The following MTBP variants were observed in gnomAD, a reference collection of about 807,000 sequenced individuals.
MTBP encodes the protein mdm2-binding protein.
In MTBP, 101 loss-of-function variants were observed where a neutral mutation model predicts 117.0. The ratio of observed to expected loss-of-function variants is 0.86; its 90% CI spans 0.73 to 1.02. MTBP has a LOEUF of 1.02. Ranked by LOEUF, MTBP falls within the 50% of genes least tolerant of loss-of-function variation. The probability of loss-of-function intolerance (pLI) is 0.00; values close to 1 mark genes in which losing one functional copy is unlikely to be tolerated. For missense variants in MTBP, 970 were observed against 1,030.9 expected (o/e 0.94, Z 0.81); for synonymous variants, 350 against 351.5 (o/e 1.00, Z 0.05).
At chr8:120,508,227 G>A (rs1457567633) in intron 16 of MTBP, among the ~76,000 whole-genome samples, 2 of 152,078 alleles carry the variant, frequency 1.3e-5, no homozygotes, top group Non-Finnish European at 2.9e-5. Context: ...AAAATACTGT[G>A]TTAAACAAAG....
At chr8:120,515,327 C>T (rs2130619361) in intron 17 of MTBP, among the ~76,000 whole-genome samples, 2 of 152,106 alleles carry the variant, frequency 1.3e-5, no homozygotes, top group South Asian at 4.2e-4. Context: ...CAGAAGCATT[C>T]ACTGAGCTGA....
chr8:120,490,238 T>TA (rs1189359115), intron 12 of MTBP, among the ~76,000 whole-genome samples: 2 of 152,216 alleles, frequency 1.3e-5, no homozygotes, highest in East Asian at 3.9e-4. Context: ...TCCCTCAATT[T>TA]AAAAATCAGG....
intron 10 of MTBP, among the ~76,000 whole-genome samples, chr8:120,466,642 G>A (rs1198808155): frequency 1.3e-5 from 2 of 151,960 alleles, no homozygotes; most frequent in Admixed American, 6.6e-5. Context: ...GGAGGCCGAG[G>A]CAGGTGGATC....
At position 120,459,346 on chromosome 8, in the gene MTBP, A is replaced by T. The variant is rs781781200; in HGVS notation, c.879A>T (p.Pro293=). ...IIPSKDKNIL[P]KVFHYYGPAL... ...CATCAAAGGATAAGAATATTTTGCCAAAGGTAATCGTGTTTAATTTTTTTG... is the reference window on the plus strand; with the variant it reads ...CATCAAAGGATAAGAATATTTTGCCTAAGGTAATCGTGTTTAATTTTTTTG... Residue 293 remains proline (P), a synonymous_variant, in exon 8 of 22, where the codon CCA becomes CCT. Coordinates refer to ENST00000305949, the MANE Select transcript of MTBP (RefSeq NM_022045.5). 10 of 1,601,956 alleles carry T rather than the reference A, an allele frequency of 6.2e-6. No individual in the cohort carries two copies. The South Asian group carries it at 1.1e-4, about 18-fold the overall frequency.
At chr8:120,497,795 G>C (rs1490974672) in intron 14 of MTBP, among the ~76,000 whole-genome samples, 1 of 151,886 alleles carries the variant, frequency 6.6e-6, no homozygotes, top group Admixed American at 6.6e-5. Context: ...AATTGTTTTT[G>C]GGCAGAGGAA....
At chr8:120,478,020 T>A (rs1433867532) in intron 11 of MTBP, among the ~76,000 whole-genome samples, 1 of 152,158 alleles carries the variant, frequency 6.6e-6, no homozygotes, top group Non-Finnish European at 1.5e-5. Context: ...CCATCAATGA[T>A]AGACTGGATA....
chr8:120,449,527 A>C (rs545975450), intron 2 of MTBP, among the ~76,000 whole-genome samples: 38 of 152,266 alleles, frequency 2.5e-4, no homozygotes, highest in South Asian at 8.3e-4. Flanking sequence ...AAATAATGGC[A>C]AAAAAACCCA....
chr8:120,523,321 G>A lies in MTBP; in HGVS notation c.2700G>A (p.Lys900=), dbSNP rs764103789. Residue 900 remains lysine (K), a synonymous_variant, in exon 22 of 22, where the codon AAG becomes AAA. Coordinates refer to ENST00000305949, the MANE Select transcript of MTBP (RefSeq NM_022045.5). ...AVQVIDWVLE[K]TSKK is the part of the protein sequence containing the mutation. ...AGGTGATTGACTGGGTATTAGAAAA[G>A]ACAAGCAAGAAATGATACATAATCA... is the stretch of plus-strand genomic sequence containing the variant. The A allele has an allele frequency of 1.9e-6, 3 of 1,552,132 alleles. No homozygotes were observed. The highest frequency in any genetic ancestry group is 2.5e-5 in the South Asian group (2 of 81,474).
At chr8:120,521,612 G>C (rs1251954814) in intron 20 of MTBP, among the ~76,000 whole-genome samples, 2 of 152,138 alleles carry the variant, frequency 1.3e-5, no homozygotes, top group Non-Finnish European at 2.9e-5. Context: ...ATTGAAAGTG[G>C]CTGCCTTTAT....
intron 2 of MTBP, among the ~76,000 whole-genome samples, chr8:120,449,582 G>A (rs1344417388): frequency 6.6e-6 from 1 of 152,092 alleles, no homozygotes; most frequent in Non-Finnish European, 1.5e-5. Flanking sequence ...CCAATGTACA[G>A]ATGTCAGGTG....
chr8:120,455,589 T>C lies in MTBP; in HGVS notation c.629+10T>C. 3.7e-6 allele frequency: 6 copies of C among 1,602,840 alleles called. No individual in the cohort carries two copies. The highest frequency in any genetic ancestry group is 5.1e-6 in the Non-Finnish European group (6 of 1,176,370). The stretch of plus-strand genomic sequence containing the variant: ...GAAATCATTGTGAAATGTAAGCTTC[T>C]TTGTTCATATTTGATTATTGTCTGC... On this transcript the variant is annotated intron_variant, in intron 6 of 21. Coordinates refer to ENST00000305949, the MANE Select transcript of MTBP (RefSeq NM_022045.5).
At chr8:120,510,917 A>G (rs1045975263) in intron 17 of MTBP, among the ~76,000 whole-genome samples, 25 of 152,130 alleles carry the variant, frequency 1.6e-4, no homozygotes, top group Admixed American at 4.6e-4. Context: ...TCAAGAAAAA[A>G]AAAAAAAAAA....
rs77519566 is a variant in MTBP at position 120,502,215 on chromosome 8, C to T, written c.1610-277C>T. Among the ~76,000 whole-genome samples, 376 of 152,130 alleles carry T rather than the reference C, an allele frequency of 2.5e-3. 7 individuals are homozygous for T. The East Asian group carries it at 0.032, about 13-fold the overall frequency. ...AAATAGCAAAGTTATGCTTTTATTC[C>T]ATAGGAGTCCTAAATAGTGCTAATT... On this transcript the variant is annotated intron_variant, in intron 14 of 21. Coordinates refer to ENST00000305949, the MANE Select transcript of MTBP (RefSeq NM_022045.5).
intron 11 of MTBP, 27 bp downstream of exon 11, chr8:120,470,964 T>C: frequency 7.1e-7 from 1 of 1,403,178 alleles, no homozygotes; most frequent in South Asian, 1.2e-5. Flanking sequence ...TCGGTTGTTT[T>C]AATGATGCAG....
intron 13 of MTBP, among the ~76,000 whole-genome samples, chr8:120,495,447 T>C (rs760990092): frequency 6.6e-6 from 1 of 152,188 alleles, no homozygotes; most frequent in African/African-American, 2.4e-5. Context: ...CAGCCCCATT[T>C]ATTGAACTGT....
chr8:120,467,364 C>T (rs907652664), intron 10 of MTBP, among the ~76,000 whole-genome samples: 6 of 152,160 alleles, frequency 3.9e-5, no homozygotes, highest in Admixed American at 3.9e-4. Context: ...CCTGTAATCC[C>T]ACCACTTTGG....
At chr8:120,462,876 G>A (rs1161265548) in intron 9 of MTBP, among the ~76,000 whole-genome samples, 2 of 152,138 alleles carry the variant, frequency 1.3e-5, no homozygotes, top group African/African-American at 4.8e-5. Flanking sequence ...CATATAAAAT[G>A]TCACTTGCAA....
At position 120,451,311 on chromosome 8, in the gene MTBP, AT is replaced by A. The variant is rs766254094; in HGVS notation, c.415del (p.Ser139ProfsTer28). The A allele has an allele frequency of 6.2e-7, 1 of 1,612,622 alleles. No individual in the cohort carries two copies. Among genetic ancestry groups the A allele is most frequent in the Non-Finnish European group, 8.5e-7 (1 of 1,178,942 alleles). The part of the protein sequence containing the change: ...EEDSNSRESL[S>X]LADLYEEAAE... ...AAGACAGTAATAGCAGGGAATCATT[AT>A]CCTTGGCTGAGTATGCTTATATGGT... On this transcript the variant is annotated frameshift_variant, in exon 4 of 22. Coordinates refer to ENST00000305949, the MANE Select transcript of MTBP (RefSeq NM_022045.5). LOFTEE classifies it high-confidence loss of function.
In MTBP at chr8:120,445,524, G is replaced by T; in HGVS notation, c.54G>T (p.Ala18=). ...VIWGEGKFPS[A]ASREAEHGPE... ...GGGGGGAAGGAAAATTCCCGTCGGC[G>T]GCCAGTAGGGAGGCAGAACATGGGC... The change falls in exon 1 of 22, where the codon GCG becomes GCT. Residue 18 remains alanine (A), a synonymous_variant. Transcript: ENST00000305949. The T allele has an allele frequency of 6.2e-7, 1 of 1,613,620 alleles. No individual in the cohort carries two copies. Among genetic ancestry groups the T allele is most frequent in the Non-Finnish European group, 8.5e-7 (1 of 1,179,794 alleles).
Sources: gnomAD v4.1 joint callset for allele counts (sites outside exome capture counted in the v4.1 genomes callset) on GRCh38, gnomAD v4.1.1 for gene constraint, MANE v1.5 for transcripts, NCBI Gene and HGNC (gene_info 2026-07-23, HGNC 2026-07-21) for gene names.